The following FUT8 variants were observed in gnomAD, a reference collection of about 807,000 sequenced individuals.
The protein encoded by FUT8 is alpha-(1,6)-fucosyltransferase.
In FUT8, 29 loss-of-function variants were observed where a neutral mutation model predicts 71.3. The ratio of observed to expected loss-of-function variants is 0.41; its 90% CI spans 0.30 to 0.55. The LOEUF is 0.55. Ranked by LOEUF, FUT8 falls within the 20% of genes least tolerant of loss-of-function variation. FUT8 has a pLI of 0.34. For missense variants in FUT8, 544 were observed against 702.1 expected, an observed-to-expected ratio of 0.77 and a Z score of 2.55; for synonymous variants, 254 against 239.3, an observed-to-expected ratio of 1.06 and a Z score of -0.57.
intron 6 of FUT8, among the ~76,000 whole-genome samples, chr14:65,640,911 A>G (rs1164098091): frequency 1.3e-5 from 2 of 152,180 alleles, no homozygotes; most frequent in Non-Finnish European, 2.9e-5. Flanking sequence ...ATAGAACCAG[A>G]TGTTTAACAC....
intron 6 of FUT8, chr14:65,646,537 C>G (rs1308113698): frequency 6.6e-6 from 1 of 152,224 alleles, no homozygotes; most frequent in African/African-American, 2.4e-5. Context: ...AGCACTTTCT[C>G]AGATTGACCA....
At chr14:65,539,244 A>G (rs531676078) in intron 2 of FUT8, among the ~76,000 whole-genome samples, 4 of 152,162 alleles carry the variant, frequency 2.6e-5, no homozygotes, top group African/African-American at 7.2e-5. Flanking sequence ...ATTGCTTACC[A>G]TTGAAATTCA....
chr14:65,494,787 A>T (rs959067493), intron 2 of FUT8, among the ~76,000 whole-genome samples: 11 of 152,050 alleles, frequency 7.2e-5, no homozygotes, highest in Non-Finnish European at 1.5e-5. Flanking sequence ...AAAAAGAAAA[A>T]AAAGTAAGGT....
chr14:65,389,564 C>T, the FUT8 span, among the ~76,000 whole-genome samples: 1 of 151,988 alleles, frequency 6.6e-6, no homozygotes, highest in Non-Finnish European at 1.5e-5. Flanking sequence ...CCACCTACCT[C>T]AGCCTCCCAA....
chr14:65,391,365 T>G, the FUT8 span, among the ~76,000 whole-genome samples: 20 of 152,006 alleles, frequency 1.3e-4, no homozygotes, highest in East Asian at 3.5e-3. Context: ...AACTTTTTTG[T>G]TTTTTTTGAG....
At position 65,724,218 on chromosome 14, in the gene FUT8, A is replaced by G. The variant is rs1225743911; in HGVS notation, c.1154A>G (p.His385Arg). The stretch of plus-strand genomic sequence containing the variant: ...CATCCCATTGAAGAGTACATGGTGC[A>G]TGTTGAAGAACATTTTCAGCTTCTT... The part of the protein sequence containing the change: ...AFHPIEEYMV[H>R]VEEHFQLLAR... The change falls in exon 9 of 11, where the codon CAT becomes CGT. Residue 385 changes from histidine to arginine, a missense_variant. Coordinates refer to ENST00000673929, the MANE Select transcript of FUT8 (RefSeq NM_001371533.1). 2 of 1,613,598 alleles carry G rather than the reference A, an allele frequency of 1.2e-6. No homozygotes were observed. Among genetic ancestry groups the G allele is most frequent in the African/African-American group, 2.7e-5 (2 of 74,916 alleles).
intron 3 of FUT8, among the ~76,000 whole-genome samples, chr14:65,598,169 A>C (rs545529058): frequency 6.6e-6 from 1 of 152,104 alleles, no homozygotes; most frequent in East Asian, 1.9e-4. Flanking sequence ...CTGTCTCAAA[A>C]ATTTTATTAT....
chr14:65,445,951 A>G (rs1470541192), intron 1 of FUT8, among the ~76,000 whole-genome samples: 6 of 152,236 alleles, frequency 3.9e-5, no homozygotes, highest in Non-Finnish European at 8.8e-5. Context: ...TATTAAAATA[A>G]TTAGCACTAT....
chr14:65,650,322 A>C (rs1258165844), intron 6 of FUT8, among the ~76,000 whole-genome samples: 12 of 146,026 alleles, frequency 8.2e-5, no homozygotes, highest in Non-Finnish European at 1.4e-4. Flanking sequence ...AAAAAAAAAA[A>C]AAAAACCTGA....
chr14:65,728,033 A>G (rs930119130), intron 9 of FUT8, among the ~76,000 whole-genome samples: 1 of 152,180 alleles, frequency 6.6e-6, no homozygotes, highest in Non-Finnish European at 1.5e-5. Context: ...TCCATCTGAG[A>G]CCACCTCAGC....
chr14:65,624,153 G>T (rs564579392), intron 5 of FUT8, among the ~76,000 whole-genome samples: 1 of 152,246 alleles, frequency 6.6e-6, no homozygotes, highest in Non-Finnish European at 1.5e-5. Flanking sequence ...TAATTGTCTT[G>T]CTTACATGGT....
intron 2 of FUT8, among the ~76,000 whole-genome samples, chr14:65,486,254 T>A (rs1417851279): frequency 6.6e-6 from 1 of 152,190 alleles, no homozygotes; most frequent in African/African-American, 2.4e-5. Context: ...TTAAAAGGTA[T>A]TTTTTTCCAA....
At chr14:65,437,590 A>T (rs2065581110) in intron 1 of FUT8, among the ~76,000 whole-genome samples, 1 of 152,200 alleles carries the variant, frequency 6.6e-6, no homozygotes, top group East Asian at 1.9e-4. Context: ...CTGTTTTGGG[A>T]CTAGAGTACA....
intron 2 of FUT8, chr14:65,528,941 TTGCCATA>T (rs1448469326): frequency 6.5e-6 from 1 of 153,526 alleles, no homozygotes; most frequent in African/African-American, 2.4e-5. Context: ...TTCTAGAAAC[TTGCCATA>T]TGCCTTTAGA....
intron 1 of FUT8, among the ~76,000 whole-genome samples, chr14:65,452,714 T>C (rs768756635): frequency 1.3e-5 from 2 of 152,098 alleles, no homozygotes; most frequent in South Asian, 2.1e-4. Context: ...CAAAAAGGAA[T>C]TGAGGGAATA....
At chr14:65,680,053 G>A (rs1231768214) in intron 7 of FUT8, among the ~76,000 whole-genome samples, 1 of 152,182 alleles carries the variant, frequency 6.6e-6, no homozygotes, top group African/African-American at 2.4e-5. Context: ...TATATAGTGA[G>A]ATAGAGCCTG....
At chr14:65,360,601 T>C in the FUT8 span, among the ~76,000 whole-genome samples, 2 of 152,212 alleles carry the variant, frequency 1.3e-5, no homozygotes, top group Admixed American at 1.3e-4. Context: ...TAGAATGAGC[T>C]CTGCACTGGA....
At chr14:65,716,547 G>A (rs1354899522) in intron 7 of FUT8, among the ~76,000 whole-genome samples, 2 of 151,758 alleles carry the variant, frequency 1.3e-5, no homozygotes, top group South Asian at 2.1e-4. Context: ...CACGGTTGGG[G>A]GTAAGGTTAT....
At chr14:65,357,423 G>A in the FUT8 span, among the ~76,000 whole-genome samples, 5 of 152,312 alleles carry the variant, frequency 3.3e-5, no homozygotes, top group African/African-American at 1.2e-4. Flanking sequence ...TTCCCTGGGA[G>A]GGGCAAAATA....
Sources: allele counts gnomAD v4.1 joint callset (sites outside exome capture counted in the v4.1 genomes callset), GRCh38; gene constraint gnomAD v4.1.1; transcripts MANE v1.5; gene names NCBI Gene and HGNC (gene_info 2026-07-23, HGNC 2026-07-21).